Variants in CLNK observed in about 807,000 individuals in gnomAD.
CLNK encodes the protein cytokine dependent hematopoietic cell linker, also known as cytokine-dependent hematopoietic cell linker.
A neutral mutation model predicts 68.6 loss-of-function variants in CLNK; 74 were observed. The observed-to-expected ratio is 1.08, with a 90% CI of 0.89 to 1.31. The LOEUF is 1.31. Among genes scored for constraint, CLNK ranks in the 50% most tolerant of loss-of-function variants. The pLI is 0.00. For synonymous variants in CLNK, 198 were observed against 172.2 expected (o/e 1.15, Z -1.17); for missense variants, 553 against 515.3 (o/e 1.07, Z -0.71).
intron 8 of CLNK, among the ~76,000 whole-genome samples, chr4:10,550,959 G>A (rs1252177002): frequency 6.6e-6 from 1 of 152,180 alleles, no homozygotes; most frequent in Non-Finnish European, 1.5e-5. Context: ...TGGGCGAGAT[G>A]ACTGCTCAGC....
chr4:10,601,594 A>T (rs1300870721), intron 2 of CLNK, among the ~76,000 whole-genome samples: 7 of 152,208 alleles, frequency 4.6e-5, no homozygotes, highest in Non-Finnish European at 7.3e-5. Flanking sequence ...TGTTAAGCAT[A>T]ATAGGGCAAA....
chr4:10,699,513 T>TATATATA, the CLNK span, among the ~76,000 whole-genome samples: 155 of 62,018 alleles, frequency 2.5e-3, 1 homozygote, highest in African/African-American at 0.012. Flanking sequence ...TATATATATA[T>TATATATA]TTTTTTTTTT....
At chr4:10,631,689 A>G (rs1269613119) in intron 2 of CLNK, among the ~76,000 whole-genome samples, 2 of 152,246 alleles carry the variant, frequency 1.3e-5, no homozygotes, top group Admixed American at 6.5e-5. Context: ...TAACCAAGAT[A>G]TAGAGGAGAG....
the CLNK span, among the ~76,000 whole-genome samples, chr4:10,731,208 A>C: frequency 1.3e-5 from 2 of 152,202 alleles, no homozygotes; most frequent in East Asian, 3.8e-4. Flanking sequence ...CCATTAACCA[A>C]CTTCTCCAGA....
In CLNK at chr4:10,589,498, G is replaced by C. The variant is rs532188233; in HGVS notation, c.84-4543C>G. 3.3e-5 allele frequency among the ~76,000 whole-genome samples: 5 copies of C among 152,236 alleles called. No individual in the cohort carries two copies. In the South Asian group the frequency reaches 1.0e-3, roughly 32 times the overall value. On this transcript the variant is annotated intron_variant, in intron 3 of 18. Transcript: ENST00000226951. The stretch of plus-strand genomic sequence containing the variant: ...TTATGCACCCTGGGGCTCTCCGTGC[G>C]TCAATGCAAGCCAAGTGAATTAGCA...
intron 2 of CLNK, among the ~76,000 whole-genome samples, chr4:10,610,344 C>A (rs975046590): frequency 5.4e-5 from 8 of 149,128 alleles, no homozygotes; most frequent in Admixed American, 3.3e-4. Flanking sequence ...GCGCCCGGCC[C>A]GTTTTTTTTT....
At chr4:10,677,148 T>A (rs1724908637) in intron 1 of CLNK, among the ~76,000 whole-genome samples, 1 of 152,096 alleles carries the variant, frequency 6.6e-6, no homozygotes, top group Non-Finnish European at 1.5e-5. Context: ...AAAAAAAGTA[T>A]AAGAAAATAA....
In CLNK at chr4:10,639,063, G is replaced by T. The variant is rs368171362; in HGVS notation, c.11+28796C>A. Among the ~76,000 whole-genome samples, 123 of 152,276 alleles carry T rather than the reference G, an allele frequency of 8.1e-4. 1 individual carries two copies. In the South Asian group the frequency reaches 0.025, roughly 31 times the overall value. ...GGACACAGTTTGGCTCATATCAGAC[G>T]CCTTCCAGAAGACATCTTTTAAGAC... is the stretch of plus-strand genomic sequence containing the variant. On this transcript the variant is annotated intron_variant, in intron 2 of 18. Transcript: ENST00000226951.
chr4:10,610,080 G>T, intron 2 of CLNK, among the ~76,000 whole-genome samples: 1 of 98,310 alleles, frequency 1.0e-5, no homozygotes, highest in African/African-American at 4.1e-5. Flanking sequence ...TTTTTGAGAC[G>T]GAGTCTCGTT....
intron 2 of CLNK, among the ~76,000 whole-genome samples, chr4:10,617,581 T>C (rs1722285513): frequency 6.6e-6 from 1 of 152,218 alleles, no homozygotes; most frequent in Non-Finnish European, 1.5e-5. Context: ...TAAATGGCAA[T>C]GAAATAATAG....
chr4:10,654,550 G>GCCT (rs1448361880), intron 2 of CLNK, among the ~76,000 whole-genome samples: 1 of 150,728 alleles, frequency 6.6e-6, no homozygotes, highest in Non-Finnish European at 1.5e-5. Context: ...CTTTAATCTA[G>GCCT]CCTAACCAGT....
chr4:10,625,347 C>T (rs989290279), intron 2 of CLNK, among the ~76,000 whole-genome samples: 1 of 152,168 alleles, frequency 6.6e-6, no homozygotes. Context: ...GCTGACACCA[C>T]GGGGAGGTTA....
chr4:10,600,475 G>A (rs1375333158), intron 2 of CLNK, among the ~76,000 whole-genome samples: 2 of 152,182 alleles, frequency 1.3e-5, no homozygotes, highest in Non-Finnish European at 2.9e-5. Context: ...TATTTAGGGA[G>A]CCAGGCCATA....
chr4:10,699,073 A>G, the CLNK span, among the ~76,000 whole-genome samples: 1 of 151,898 alleles, frequency 6.6e-6, no homozygotes, highest in Non-Finnish European at 1.5e-5. Context: ...CTTTGAACAC[A>G]CACTGGAACT....
At chr4:10,682,037 C>G (rs369964183) in intron 1 of CLNK, among the ~76,000 whole-genome samples, 2 of 152,102 alleles carry the variant, frequency 1.3e-5, no homozygotes, top group East Asian at 3.9e-4. Context: ...TAATGATTCC[C>G]AAATATTCTG....
At chr4:10,497,341 A>T (rs1324170510) in intron 18 of CLNK, among the ~76,000 whole-genome samples, 1 of 152,144 alleles carries the variant, frequency 6.6e-6, no homozygotes, top group East Asian at 1.9e-4. Flanking sequence ...ATATATTTAT[A>T]TTATTAGTGA....
chr4:10,690,024 AG>A, the CLNK span, among the ~76,000 whole-genome samples: 1 of 152,114 alleles, frequency 6.6e-6, no homozygotes, highest in Non-Finnish European at 1.5e-5. Flanking sequence ...TGTGAGCTGA[AG>A]TCATGTCCTC....
intron 1 of CLNK, among the ~76,000 whole-genome samples, chr4:10,682,521 C>T (rs1725132338): frequency 1.3e-5 from 2 of 152,194 alleles, no homozygotes; most frequent in Admixed American, 1.3e-4. Flanking sequence ...ACTGTGTGCA[C>T]ATTTGCTCTC....
chr4:10,563,078 G>A (rs1486861762), intron 7 of CLNK, among the ~76,000 whole-genome samples: 2 of 152,162 alleles, frequency 1.3e-5, no homozygotes, highest in Non-Finnish European at 2.9e-5. Context: ...TGCTCCTTCA[G>A]TCTCTATCAG....
Sources: allele counts gnomAD v4.1 joint callset (sites outside exome capture counted in the v4.1 genomes callset), GRCh38; gene constraint gnomAD v4.1.1; transcripts MANE v1.5; gene names NCBI Gene and HGNC (gene_info 2026-07-23, HGNC 2026-07-21).